CADM2: variants seen among roughly 807,000 people sequenced by gnomAD.
The protein encoded by CADM2 is immunoglobulin superfamily member 4D.
Under a neutral mutation model 49.8 loss-of-function variants are expected in CADM2, and 12 were observed. The observed-to-expected ratio is 0.24, with a 90% confidence interval of 0.15 to 0.39. The LOEUF is 0.39. CADM2 is among the 10% of genes least tolerant of loss of function. The pLI, the probability that CADM2 is intolerant of heterozygous loss-of-function variation, is 1.00. For missense variants in CADM2, 378 were observed against 492.3 expected (o/e 0.77, Z 2.20); for synonymous variants, 214 against 175.4 (o/e 1.22, Z -1.74).
intron 1 of CADM2, among the ~76,000 whole-genome samples, chr3:85,213,948 C>T (rs979675106): frequency 3.9e-5 from 6 of 152,084 alleles, no homozygotes; most frequent in African/African-American, 1.4e-4. Context: ...TTAAATTTAT[C>T]TGATAAGAAT....
chr3:85,536,562 A>G (rs2061427382), intron 1 of CADM2, among the ~76,000 whole-genome samples: 1 of 152,004 alleles, frequency 6.6e-6, no homozygotes, highest in South Asian at 2.1e-4. Context: ...TAAGTTTTTC[A>G]TAAGATATTT....
intron 1 of CADM2, among the ~76,000 whole-genome samples, chr3:85,298,140 C>T (rs1454899435): frequency 6.6e-6 from 1 of 151,992 alleles, no homozygotes; most frequent in African/African-American, 2.4e-5. Context: ...AGGTTTAAGT[C>T]AAATAGCCTG....
chr3:86,052,015 C>T (rs1218264293), intron 8 of CADM2, among the ~76,000 whole-genome samples: 1 of 151,928 alleles, frequency 6.6e-6, no homozygotes, highest in African/African-American at 2.4e-5. Context: ...CTTTGTAAGA[C>T]AGTTCGAACC....
intron 8 of CADM2, among the ~76,000 whole-genome samples, chr3:86,030,943 G>C (rs945292316): frequency 1.4e-4 from 22 of 151,758 alleles, no homozygotes; most frequent in African/African-American, 3.4e-4. Flanking sequence ...GTGTGTGTTA[G>C]TCTGTTTAGG....
At chr3:85,863,424 G>A (rs981228180) in intron 3 of CADM2, among the ~76,000 whole-genome samples, 3 of 152,190 alleles carry the variant, frequency 2.0e-5, no homozygotes, top group Non-Finnish European at 4.4e-5. Flanking sequence ...TGCATTGGGA[G>A]ATGAGGCCTT....
At chr3:85,392,520 T>C (rs1204324586) in intron 1 of CADM2, among the ~76,000 whole-genome samples, 3 of 152,150 alleles carry the variant, frequency 2.0e-5, no homozygotes, top group Non-Finnish European at 4.4e-5. Context: ...ATGTGCCATC[T>C]AAGTCTTTTC....
chr3:85,332,490 G>T (rs1366281630), intron 1 of CADM2, among the ~76,000 whole-genome samples: 3 of 152,020 alleles, frequency 2.0e-5, no homozygotes, highest in East Asian at 1.9e-4. Context: ...TTGTAGGTTT[G>T]ACCTTTGTAA....
chr3:85,331,658 G>A (rs1429889633), intron 1 of CADM2, among the ~76,000 whole-genome samples: 1 of 151,866 alleles, frequency 6.6e-6, no homozygotes, highest in Non-Finnish European at 1.5e-5. Flanking sequence ...ATTGCTGTAT[G>A]ACATGGTAGA....
At chr3:85,914,701 G>T (rs533860390) in intron 6 of CADM2, among the ~76,000 whole-genome samples, 68 of 152,278 alleles carry the variant, frequency 4.5e-4, no homozygotes, top group African/African-American at 1.5e-3. Flanking sequence ...CCACATTTAT[G>T]TAAGTTGCTC....
chr3:85,522,851 A>T (rs529626090), intron 1 of CADM2, among the ~76,000 whole-genome samples: 3 of 152,234 alleles, frequency 2.0e-5, no homozygotes, highest in Non-Finnish European at 2.9e-5. Flanking sequence ...AGCATCAGGA[A>T]TTCTTGGAGA....
At chr3:85,981,244 C>T (rs776416019) in intron 8 of CADM2, among the ~76,000 whole-genome samples, 6 of 151,500 alleles carry the variant, frequency 4.0e-5, no homozygotes, top group South Asian at 2.1e-4. Context: ...TTTACACACA[C>T]GCCATTATAG....
chr3:85,658,612 AT>A, intron 1 of CADM2, among the ~76,000 whole-genome samples: 1 of 133,864 alleles, frequency 7.5e-6, no homozygotes, highest in East Asian at 2.1e-4. Flanking sequence ...ATATATATAT[AT>A]ATATACATGT....
chr3:85,610,398 T>C (rs1411325647), intron 1 of CADM2, among the ~76,000 whole-genome samples: 1 of 151,988 alleles, frequency 6.6e-6, no homozygotes, highest in Non-Finnish European at 1.5e-5. Flanking sequence ...AAATAGTTTA[T>C]ATTAAATAGT....
intron 2 of CADM2, among the ~76,000 whole-genome samples, chr3:85,773,357 T>C (rs2070199373): frequency 6.6e-6 from 1 of 151,952 alleles, no homozygotes; most frequent in Admixed American, 6.6e-5. Flanking sequence ...GCTGTAAAGA[T>C]AGGTACTGGA....
At chr3:85,161,620 A>G (rs565090882) in intron 1 of CADM2, among the ~76,000 whole-genome samples, 2 of 152,298 alleles carry the variant, frequency 1.3e-5, no homozygotes, top group Admixed American at 6.5e-5. Context: ...AATGGGATGT[A>G]TTTATCTGCT....
At chr3:85,162,589 G>A (rs2040359837) in intron 1 of CADM2, among the ~76,000 whole-genome samples, 1 of 151,902 alleles carries the variant, frequency 6.6e-6, no homozygotes, top group African/African-American at 2.4e-5. Flanking sequence ...ATATGGTTGA[G>A]GTTTGTGTTT....
At chr3:85,135,520 C>T (rs2039389954) in intron 1 of CADM2, among the ~76,000 whole-genome samples, 1 of 151,972 alleles carries the variant, frequency 6.6e-6, no homozygotes, top group African/African-American at 2.4e-5. Context: ...CAATCAAAAG[C>T]ACATATAGTA....
intron 1 of CADM2, among the ~76,000 whole-genome samples, chr3:85,692,975 A>G (rs1181864639): frequency 6.6e-6 from 1 of 151,996 alleles, no homozygotes; most frequent in Non-Finnish European, 1.5e-5. Flanking sequence ...CATGCCTGTA[A>G]TCCCAGCGCT....
chr3:85,139,888 T>G (rs1287873787), intron 1 of CADM2, among the ~76,000 whole-genome samples: 2 of 152,114 alleles, frequency 1.3e-5, no homozygotes, highest in Non-Finnish European at 2.9e-5. Flanking sequence ...GGCAGAAGCA[T>G]CTTGCCTGTG....
Sources: allele counts gnomAD v4.1 joint callset (sites outside exome capture counted in the v4.1 genomes callset), GRCh38; gene constraint gnomAD v4.1.1; transcripts MANE v1.5; gene names NCBI Gene and HGNC (gene_info 2026-07-23, HGNC 2026-07-21).